CEP128: variants seen among roughly 807,000 people sequenced by gnomAD.
CEP128 encodes centrosomal protein 128kDa.
CEP128 carries 132 observed loss-of-function variants against 156.7 expected under a neutral mutation model. The ratio of observed to expected loss-of-function variants is 0.84; its 90% CI spans 0.73 to 0.97. The LOEUF (loss-of-function observed/expected upper bound fraction) is 0.97, where lower values mean the gene tolerates loss of function less well. CEP128 is among the 50% of genes least tolerant of loss of function. The pLI is 0.00. For synonymous variants in CEP128, 469 were observed against 448.9 expected, an observed-to-expected ratio of 1.04 and a Z score of -0.57; for missense variants, 1,252 against 1,281.9, an observed-to-expected ratio of 0.98 and a Z score of 0.36.
At chr14:80,878,834 A>C (rs145557413) in intron 8 of CEP128, among the ~76,000 whole-genome samples, 37 of 152,278 alleles carry the variant, frequency 2.4e-4, no homozygotes, top group African/African-American at 7.5e-4. Flanking sequence ...TCAGAAGACA[A>C]TGTGTGCAAG....
At chr14:80,840,272 T>C (rs1007497879) in intron 10 of CEP128, among the ~76,000 whole-genome samples, 3 of 152,086 alleles carry the variant, frequency 2.0e-5, no homozygotes, top group African/African-American at 7.2e-5. Flanking sequence ...TCAAAGATCA[T>C]TGATATTTAA....
At chr14:80,937,956 G>A (rs1885907653) in intron 2 of CEP128, among the ~76,000 whole-genome samples, 1 of 151,022 alleles carries the variant, frequency 6.6e-6, no homozygotes, top group Non-Finnish European at 1.5e-5. Context: ...GCATGTAGTA[G>A]TGTGATCACA....
At chr14:80,928,646 T>A (rs1458165681) in intron 2 of CEP128, among the ~76,000 whole-genome samples, 1 of 152,078 alleles carries the variant, frequency 6.6e-6, no homozygotes, top group East Asian at 1.9e-4. Context: ...AAATATGGAA[T>A]TATGTAAAAT....
At chr14:80,899,189 A>G (rs1883382622) in intron 7 of CEP128, among the ~76,000 whole-genome samples, 1 of 152,204 alleles carries the variant, frequency 6.6e-6, no homozygotes, top group African/African-American at 2.4e-5. Context: ...AGTTTTGACT[A>G]TCTTTGTTGC....
chr14:80,864,809 G>A (rs1887689788), intron 8 of CEP128, among the ~76,000 whole-genome samples: 1 of 152,058 alleles, frequency 6.6e-6, no homozygotes, highest in Non-Finnish European at 1.5e-5. Flanking sequence ...CACCCACCTT[G>A]GCCTCCCAAA....
chr14:80,738,865 T>A (rs1037381490), intron 19 of CEP128, among the ~76,000 whole-genome samples: 6 of 152,184 alleles, frequency 3.9e-5, no homozygotes, highest in African/African-American at 1.4e-4. Context: ...GTCTACTGCA[T>A]CTCTTTATGC....
intron 20 of CEP128, among the ~76,000 whole-genome samples, chr14:80,565,719 G>A (rs1455599897): frequency 1.3e-5 from 2 of 152,102 alleles, no homozygotes. Context: ...AGCATTAAAT[G>A]GATCATTTGT....
chr14:80,527,555 C>A (rs1889035548), intron 22 of CEP128, among the ~76,000 whole-genome samples: 1 of 152,180 alleles, frequency 6.6e-6, no homozygotes, highest in Non-Finnish European at 1.5e-5. Flanking sequence ...TGCCCATCTA[C>A]AGTGACTGAC....
chr14:80,890,198 C>A (rs1331042330), intron 8 of CEP128, among the ~76,000 whole-genome samples: 2 of 152,170 alleles, frequency 1.3e-5, no homozygotes, highest in African/African-American at 4.8e-5. Context: ...TTAGTTCAAC[C>A]TTTGTGGAAG....
chr14:80,722,861 C>G (rs188781195), intron 19 of CEP128, among the ~76,000 whole-genome samples: 1 of 129,828 alleles, frequency 7.7e-6, no homozygotes, highest in Non-Finnish European at 1.6e-5. Context: ...GAGTCTTGCT[C>G]TGTCGCCCAG....
intron 5 of CEP128, among the ~76,000 whole-genome samples, chr14:80,905,252 C>G (rs1486442843): frequency 2.0e-5 from 3 of 151,926 alleles, no homozygotes; most frequent in Non-Finnish European, 4.4e-5. Context: ...CATATGACCC[C>G]TTAATATAAC....
intron 20 of CEP128, among the ~76,000 whole-genome samples, chr14:80,567,793 G>A (rs1012540309): frequency 2.6e-5 from 4 of 152,130 alleles, no homozygotes; most frequent in African/African-American, 9.7e-5. Flanking sequence ...TAAAGACTAT[G>A]ATGGTGGCTA....
intron 5 of CEP128, 100 bp from the exon 6 acceptor site, chr14:80,905,031 A>AT: frequency 1.4e-6 from 1 of 735,612 alleles, no homozygotes; most frequent in Non-Finnish European, 2.5e-6. Flanking sequence ...GGATATACAT[A>AT]TATTCATGTC....
upstream of CEP128, among the ~76,000 whole-genome samples, chr14:80,946,433 A>G (rs1886346592): frequency 2.0e-5 from 3 of 150,522 alleles, no homozygotes; most frequent in African/African-American, 7.5e-5. Flanking sequence ...GTTGATTGAA[A>G]TCTAAAGAGC....
At chr14:80,676,496 T>A (rs1015274025) in intron 19 of CEP128, among the ~76,000 whole-genome samples, 3 of 152,126 alleles carry the variant, frequency 2.0e-5, no homozygotes, top group Non-Finnish European at 4.4e-5. Context: ...GCAGTTTTAT[T>A]TCCTCCATCC....
intron 2 of CEP128, among the ~76,000 whole-genome samples, chr14:80,928,818 C>T (rs1342250015): frequency 2.0e-5 from 3 of 152,012 alleles, no homozygotes; most frequent in Non-Finnish European, 4.4e-5. Flanking sequence ...TGGACATTGG[C>T]CTAGGCAACA....
chr14:80,831,412 A>G (rs1403083898), intron 12 of CEP128, 118 bp from the exon 13 acceptor site: 13 of 1,094,180 alleles, frequency 1.2e-5, no homozygotes, highest in Non-Finnish European at 1.7e-5. Context: ...ATTTATTGAC[A>G]GTTACTCAAC....
chr14:80,501,812 C>A (rs1887749226), intron 24 of CEP128, among the ~76,000 whole-genome samples: 1 of 151,910 alleles, frequency 6.6e-6, no homozygotes, highest in Non-Finnish European at 1.5e-5. Flanking sequence ...GGACTAGACT[C>A]CAAAGGCAGG....
chr14:80,533,760 T>C (rs982299585), intron 21 of CEP128, among the ~76,000 whole-genome samples: 4 of 152,188 alleles, frequency 2.6e-5, no homozygotes, highest in African/African-American at 9.7e-5. Context: ...CATTTATGCA[T>C]TGCTTATAAA....
Sources: gnomAD v4.1 joint callset for allele counts (sites outside exome capture counted in the v4.1 genomes callset) on GRCh38, gnomAD v4.1.1 for gene constraint, MANE v1.5 for transcripts, NCBI Gene and HGNC (gene_info 2026-07-23, HGNC 2026-07-21) for gene names.